Variants in ZFPM2 observed in about 807,000 individuals in gnomAD.
ZFPM2 encodes the protein zinc finger protein ZFPM2.
A neutral mutation model predicts 98.6 loss-of-function variants in ZFPM2; 20 were observed. That is an observed-to-expected ratio of 0.20 (90% CI 0.14 to 0.29). The LOEUF is 0.29. Ranked by LOEUF, ZFPM2 falls within the 10% of genes least tolerant of loss-of-function variation. The pLI, the probability that ZFPM2 is intolerant of heterozygous loss-of-function variation, is 1.00. For synonymous variants in ZFPM2, 518 were observed against 502.7 expected (o/e 1.03, Z -0.41); for missense variants, 1,310 against 1,388.6 (o/e 0.94, Z 0.90).
chr8:105,333,804 C>A (rs1419469382), intron 1 of ZFPM2, among the ~76,000 whole-genome samples: 3 of 150,844 alleles, frequency 2.0e-5, no homozygotes, highest in African/African-American at 4.9e-5. Flanking sequence ...GAAAAAAAAT[C>A]AGTATGGCAT....
chr8:105,397,086 C>T (rs980827980), intron 1 of ZFPM2, among the ~76,000 whole-genome samples: 1 of 152,180 alleles, frequency 6.6e-6, no homozygotes, highest in Non-Finnish European at 1.5e-5. Flanking sequence ...CCGACCACCA[C>T]TTCCAGCATC....
At chr8:105,338,314 T>C (rs1237410354) in intron 1 of ZFPM2, among the ~76,000 whole-genome samples, 1 of 151,784 alleles carries the variant, frequency 6.6e-6, no homozygotes, top group Non-Finnish European at 1.5e-5. Context: ...TCTATTTGAC[T>C]CTTTGATGCA....
chr8:105,418,689 G>C, intron 1 of ZFPM2: 1 of 498,208 alleles, frequency 2.0e-6, no homozygotes, highest in Non-Finnish European at 3.9e-6. Flanking sequence ...TAAAAGTATA[G>C]ACTTTATTAA....
chr8:105,555,255 A>G (rs956480482), intron 3 of ZFPM2, among the ~76,000 whole-genome samples: 22 of 152,266 alleles, frequency 1.4e-4, no homozygotes, highest in African/African-American at 5.1e-4. Flanking sequence ...CTTACCCAGC[A>G]TGTTAAAAAA....
At chr8:105,671,148 A>T (rs59735561) in intron 5 of ZFPM2, among the ~76,000 whole-genome samples, 4,278 of 152,162 alleles carry the variant, frequency 0.028, 64 homozygotes, top group Admixed American at 0.04. Flanking sequence ...AAATATTTTT[A>T]AAAATCTTGA....
intron 4 of ZFPM2, among the ~76,000 whole-genome samples, chr8:105,597,725 C>T (rs1320286677): frequency 6.6e-6 from 1 of 152,136 alleles, no homozygotes; most frequent in African/African-American, 2.4e-5. Flanking sequence ...AGTCTCCCTT[C>T]TCCTAAGTTA....
At chr8:105,485,330 A>G (rs1813210392) in intron 3 of ZFPM2, among the ~76,000 whole-genome samples, 1 of 151,864 alleles carries the variant, frequency 6.6e-6, no homozygotes, top group Admixed American at 6.6e-5. Flanking sequence ...TGATTGAGTG[A>G]GAATAACAAA....
intron 4 of ZFPM2, among the ~76,000 whole-genome samples, chr8:105,606,587 C>T (rs1816202265): frequency 6.6e-6 from 1 of 152,028 alleles, no homozygotes; most frequent in African/African-American, 2.4e-5. Flanking sequence ...AATTACAAAA[C>T]ACAAAGGCTG....
chr8:105,478,543 G>C (rs1215305994), intron 3 of ZFPM2, among the ~76,000 whole-genome samples: 1 of 152,090 alleles, frequency 6.6e-6, no homozygotes, highest in Non-Finnish European at 1.5e-5. Context: ...AAATTATCCG[G>C]GTGGGCTGGG....
At chr8:105,673,404 G>A (rs1817634252) in intron 5 of ZFPM2, among the ~76,000 whole-genome samples, 1 of 151,852 alleles carries the variant, frequency 6.6e-6, no homozygotes, top group Non-Finnish European at 1.5e-5. Context: ...ACTGTAATAA[G>A]TTTTAAATCA....
chr8:105,319,147 TAGAC>T (rs1488614356), intron 1 of ZFPM2, among the ~76,000 whole-genome samples, 166 bp downstream of exon 1: 3 of 151,982 alleles, frequency 2.0e-5, no homozygotes, highest in Admixed American at 1.3e-4. Context: ...TAGACAGTCA[TAGAC>T]AGACAGACGG....
chr8:105,528,132 C>G (rs946258790), intron 3 of ZFPM2, among the ~76,000 whole-genome samples: 15 of 152,038 alleles, frequency 9.9e-5, no homozygotes, highest in African/African-American at 3.6e-4. Flanking sequence ...CAGGAGAAGC[C>G]CTGAGCCCAG....
intron 3 of ZFPM2, among the ~76,000 whole-genome samples, chr8:105,446,498 C>T (rs946314857): frequency 6.6e-6 from 1 of 151,636 alleles, no homozygotes; most frequent in East Asian, 1.9e-4. Context: ...GGAAGCTTTT[C>T]GAGAAATAAA....
At chr8:105,457,864 G>A (rs1287584323) in intron 3 of ZFPM2, among the ~76,000 whole-genome samples, 1 of 152,140 alleles carries the variant, frequency 6.6e-6, no homozygotes, top group Non-Finnish European at 1.5e-5. Context: ...AAAGACGAGG[G>A]AAAATACAGT....
At chr8:105,788,947 C>G (rs749052961) in intron 6 of ZFPM2, 23 bp downstream of exon 6, 4 of 1,585,730 alleles carry the variant, frequency 2.5e-6, no homozygotes, top group Non-Finnish European at 3.4e-6. Flanking sequence ...TGCTGTGTAG[C>G]CCAGCTTTAG....
At chr8:105,422,134 C>T (rs1811807306) in intron 2 of ZFPM2, among the ~76,000 whole-genome samples, 1 of 150,636 alleles carries the variant, frequency 6.6e-6, no homozygotes, top group Non-Finnish European at 1.5e-5. Flanking sequence ...AAGACATGTT[C>T]CTCTGAAGAA....
At chr8:105,777,815 T>C (rs1207243974) in intron 5 of ZFPM2, among the ~76,000 whole-genome samples, 1 of 152,222 alleles carries the variant, frequency 6.6e-6, no homozygotes, top group Non-Finnish European at 1.5e-5. Context: ...ATCTAACAAC[T>C]ATGAAGTAGT....
At chr8:105,730,604 G>A (rs1449413324) in intron 5 of ZFPM2, among the ~76,000 whole-genome samples, 1 of 151,558 alleles carries the variant, frequency 6.6e-6, no homozygotes, top group Non-Finnish European at 1.5e-5. Context: ...ATTGCCACGT[G>A]TTCCTGATGG....
chr8:105,593,419 G>A (rs1181616558), intron 4 of ZFPM2, among the ~76,000 whole-genome samples: 2 of 151,866 alleles, frequency 1.3e-5, no homozygotes, highest in African/African-American at 4.8e-5. Context: ...TACCTTATCT[G>A]GAATTTACAT....
Sources: gnomAD v4.1 joint callset for allele counts (sites outside exome capture counted in the v4.1 genomes callset) on GRCh38, gnomAD v4.1.1 for gene constraint, MANE v1.5 for transcripts, NCBI Gene and HGNC (gene_info 2026-07-23, HGNC 2026-07-21) for gene names.